Variants in GNAQ observed in about 807,000 individuals in gnomAD.
The protein encoded by GNAQ is guanine nucleotide-binding protein G(q) subunit alpha.
In GNAQ, 8 loss-of-function variants were observed where a neutral mutation model predicts 43.9. That is an observed-to-expected ratio of 0.18 (90% confidence interval 0.11 to 0.33). The LOEUF (loss-of-function observed/expected upper bound fraction) is 0.33. GNAQ is among the 10% of genes least tolerant of loss of function. The pLI, the probability that GNAQ is intolerant of heterozygous loss-of-function variation, is 1.00. For missense variants in GNAQ, 158 were observed against 450.8 expected (o/e 0.35, Z 5.88); for synonymous variants, 155 against 170.7 (o/e 0.91, Z 0.71).
chr9:77,813,758 G>A (rs1282140396), intron 3 of GNAQ, among the ~76,000 whole-genome samples: 4 of 152,180 alleles, frequency 2.6e-5, no homozygotes, highest in South Asian at 2.1e-4. Context: ...AGGACTCTCC[G>A]TAGGGAGAAC....
At chr9:77,995,001 A>G (rs929699648) in intron 1 of GNAQ, among the ~76,000 whole-genome samples, 11 of 152,342 alleles carry the variant, frequency 7.2e-5, no homozygotes, top group Admixed American at 5.9e-4. Context: ...AAAGTGAGAA[A>G]TAATCTAGTG....
At chr9:78,017,800 C>A (rs990346797) in intron 1 of GNAQ, among the ~76,000 whole-genome samples, 1 of 151,900 alleles carries the variant, frequency 6.6e-6, no homozygotes, top group African/African-American at 2.4e-5. Flanking sequence ...GTTTGGAGTT[C>A]AAAAATAGGC....
intron 1 of GNAQ, among the ~76,000 whole-genome samples, chr9:77,926,254 T>C (rs1456418610): frequency 6.6e-6 from 1 of 152,178 alleles, no homozygotes; most frequent in Non-Finnish European, 1.5e-5. Flanking sequence ...CTCTCTGAGT[T>C]TGAAATGGCC....
intron 3 of GNAQ, among the ~76,000 whole-genome samples, chr9:77,811,993 G>A (rs1003023083): frequency 1.3e-4 from 20 of 152,104 alleles, no homozygotes; most frequent in Admixed American, 5.9e-4. Context: ...GTGACCAAAG[G>A]TGACAGGTCC....
intron 1 of GNAQ, among the ~76,000 whole-genome samples, chr9:77,988,823 A>G (rs1823473916): frequency 6.6e-6 from 1 of 152,234 alleles, no homozygotes; most frequent in African/African-American, 2.4e-5. Context: ...CCCTCTTCAA[A>G]TACTGGGGAC....
At chr9:77,959,195 T>A (rs1361810823) in intron 1 of GNAQ, among the ~76,000 whole-genome samples, 23 of 152,190 alleles carry the variant, frequency 1.5e-4, no homozygotes, top group Admixed American at 1.5e-3. Flanking sequence ...TTAATTTACC[T>A]TGTAAAGTTT....
At chr9:77,727,735 G>GT (rs1456351770) in intron 6 of GNAQ, among the ~76,000 whole-genome samples, 1 of 152,162 alleles carries the variant, frequency 6.6e-6, no homozygotes, top group African/African-American at 2.4e-5. Context: ...GAGTTTGGTC[G>GT]TAAGGCCCAG....
chr9:77,920,011 C>T (rs1403628548), intron 2 of GNAQ, among the ~76,000 whole-genome samples: 2 of 151,908 alleles, frequency 1.3e-5, no homozygotes, highest in Non-Finnish European at 2.9e-5. Context: ...TGGTGGTGCA[C>T]GCCTGTAGTC....
At chr9:77,879,882 G>A (rs568529768) in intron 2 of GNAQ, among the ~76,000 whole-genome samples, 17 of 152,118 alleles carry the variant, frequency 1.1e-4, no homozygotes, top group Non-Finnish European at 2.2e-4. Flanking sequence ...GAAATGTGGC[G>A]AGGCTTGAAA....
intron 1 of GNAQ, among the ~76,000 whole-genome samples, chr9:77,962,949 A>G (rs1458523444): frequency 2.6e-5 from 4 of 151,812 alleles, no homozygotes; most frequent in Admixed American, 6.6e-5. Flanking sequence ...TGAAAAAACT[A>G]TGCATGGATT....
At chr9:77,957,257 G>A (rs1457874097) in intron 1 of GNAQ, among the ~76,000 whole-genome samples, 2 of 152,050 alleles carry the variant, frequency 1.3e-5, no homozygotes, top group Non-Finnish European at 2.9e-5. Flanking sequence ...TCAGGAGGCT[G>A]AGACAGGAGA....
At chr9:77,949,327 C>A (rs1822945947) in intron 1 of GNAQ, among the ~76,000 whole-genome samples, 1 of 152,174 alleles carries the variant, frequency 6.6e-6, no homozygotes. Context: ...GGTGGCAACA[C>A]AAGGCTCAGA....
At chr9:77,946,630 C>CAAAAA (rs1441538519) in intron 1 of GNAQ, among the ~76,000 whole-genome samples, 17 of 151,712 alleles carry the variant, frequency 1.1e-4, no homozygotes, top group African/African-American at 4.1e-4. Flanking sequence ...CAGAATAAGA[C>CAAAAA]AAAAATAAAA....
At chr9:77,786,541 T>C (rs956387963) in intron 5 of GNAQ, among the ~76,000 whole-genome samples, 7 of 152,122 alleles carry the variant, frequency 4.6e-5, no homozygotes, top group African/African-American at 1.7e-4. Context: ...AAGCAGCAGC[T>C]GAGAGGCTGA....
intron 1 of GNAQ, among the ~76,000 whole-genome samples, chr9:78,016,542 A>G (rs1823840599): frequency 6.6e-6 from 1 of 152,078 alleles, no homozygotes; most frequent in African/African-American, 2.4e-5. Context: ...AAAATTAGCC[A>G]GGCGTCCCAG....
At chr9:77,883,044 TA>T (rs1318187696) in intron 2 of GNAQ, among the ~76,000 whole-genome samples, 1 of 152,242 alleles carries the variant, frequency 6.6e-6, no homozygotes, top group Non-Finnish European at 1.5e-5. Flanking sequence ...GTTCACAGCT[TA>T]CTAACCCAAG....
chr9:77,954,034 A>G (rs540600956), intron 1 of GNAQ, among the ~76,000 whole-genome samples: 4 of 152,324 alleles, frequency 2.6e-5, no homozygotes, highest in Admixed American at 2.6e-4. Context: ...TTTCTTCCAG[A>G]AAAAGGTTTA....
intron 1 of GNAQ, among the ~76,000 whole-genome samples, chr9:77,935,652 G>A (rs1829220882): frequency 6.6e-6 from 1 of 152,088 alleles, no homozygotes; most frequent in African/African-American, 2.4e-5. Flanking sequence ...CGCAACATCT[G>A]GTACCACCAA....
chr9:77,861,971 C>A (rs1355222625), intron 2 of GNAQ, among the ~76,000 whole-genome samples: 5 of 144,626 alleles, frequency 3.5e-5, no homozygotes, highest in African/African-American at 1.3e-4. Context: ...TGCCACTGCA[C>A]TCCAGCCTGG....
Sources: allele counts gnomAD v4.1 joint callset (sites outside exome capture counted in the v4.1 genomes callset), GRCh38; gene constraint gnomAD v4.1.1; transcripts MANE v1.5; gene names NCBI Gene and HGNC (gene_info 2026-07-23, HGNC 2026-07-21).